The following TCF4 variants were observed in gnomAD, a reference collection of about 807,000 sequenced individuals.
TCF4 encodes SL3-3 enhancer factor 2.
TCF4 carries 3 observed loss-of-function variants against 82.1 expected under a neutral mutation model. The ratio of observed to expected loss-of-function variants is 0.04; its 90% CI spans 0.02 to 0.09. TCF4 has a LOEUF of 0.09. TCF4 is among the 10% of genes least tolerant of loss of function. TCF4 has a pLI of 1.00. For missense variants in TCF4, 518 were observed against 852.7 expected (o/e 0.61, Z 4.89); for synonymous variants, 276 against 309.6 (o/e 0.89, Z 1.14).
intron 5 of TCF4, among the ~76,000 whole-genome samples, chr18:55,407,560 T>C (rs142879570): frequency 6.7e-5 from 10 of 149,862 alleles, no homozygotes; most frequent in Non-Finnish European, 1.0e-4. Flanking sequence ...TTATTAAAAA[T>C]GGCACCAAAT....
Position 55,223,669 on chromosome 18 carries a change from G to A in TCF4, c.*4366C>T, listed in dbSNP as rs1220963438. ...CTCAGCCACACATTGAAAACAAGGT[G>A]TAACTGTTTATCTTTTTTTTTTTTT... On this transcript the variant is annotated 3_prime_UTR_variant, in exon 20 of 20. Coordinates refer to ENST00000354452, the MANE Select transcript of TCF4 (RefSeq NM_001083962.2). The A allele has an allele frequency of 6.8e-6, 1 of 146,406 alleles. No individual in the cohort carries two copies. Among genetic ancestry groups the A allele is most frequent in the Non-Finnish European group, 1.5e-5 (1 of 66,576 alleles). 9.1% of individuals were successfully genotyped at this position (146,406 alleles called of 1,614,324 possible).
At chr18:55,410,159 G>A (rs2094284925) in intron 5 of TCF4, among the ~76,000 whole-genome samples, 1 of 152,272 alleles carries the variant, frequency 6.6e-6, no homozygotes, top group African/African-American at 2.4e-5. Context: ...AAAATGGGCA[G>A]TAAACCATTT....
chr18:55,534,441 GGT>G (rs1249544875), intron 3 of TCF4, among the ~76,000 whole-genome samples: 7 of 152,224 alleles, frequency 4.6e-5, no homozygotes, highest in African/African-American at 1.7e-4. Flanking sequence ...AGTGAGGGAT[GGT>G]AGACTTGGGA....
chr18:55,266,704 T>G (rs978609247), intron 11 of TCF4: 1 of 152,006 alleles, frequency 6.6e-6, no homozygotes, highest in Admixed American at 6.6e-5. Flanking sequence ...GCTTTATCCT[T>G]CTTATGGATT....
intron 8 of TCF4, among the ~76,000 whole-genome samples, chr18:55,348,353 A>G (rs1271881976): frequency 6.6e-6 from 1 of 152,086 alleles, no homozygotes; most frequent in Admixed American, 6.6e-5. Context: ...TTTCAGAAAA[A>G]AGGCTATTCA....
rs886053955 is a variant in TCF4 at position 55,226,123 on chromosome 18, T to C, written c.*1912A>G. 3.3e-5 allele frequency: 5 copies of C among 152,600 alleles called. No individual in the cohort carries two copies. Among genetic ancestry groups the C allele is most frequent in the Non-Finnish European group, 7.4e-5 (5 of 68,012 alleles). 9.5% of individuals were successfully genotyped at this position (152,600 alleles called of 1,614,324 possible). ...TACATACACAATTTCAAAATAATGA[T>C]ACGTTTGCCATTTGTTGCATAAAAT... On this transcript the variant is annotated 3_prime_UTR_variant, in exon 20 of 20. Coordinates refer to ENST00000354452, the MANE Select transcript of TCF4 (RefSeq NM_001083962.2).
At chr18:55,517,008 A>G (rs1006991891) in intron 3 of TCF4, among the ~76,000 whole-genome samples, 3 of 152,216 alleles carry the variant, frequency 2.0e-5, no homozygotes, top group African/African-American at 4.8e-5. Flanking sequence ...TTAGCAGACT[A>G]TTACCAGAGT....
chr18:55,281,995 C>G (rs1352293585), intron 8 of TCF4, among the ~76,000 whole-genome samples: 1 of 151,918 alleles, frequency 6.6e-6, no homozygotes, highest in African/African-American at 2.4e-5. Flanking sequence ...ACATGAAACT[C>G]TTTGTTAATA....
intron 6 of TCF4, among the ~76,000 whole-genome samples, chr18:55,399,684 C>G (rs2093684721): frequency 6.6e-6 from 1 of 152,010 alleles, no homozygotes; most frequent in Admixed American, 6.6e-5. Context: ...GAACACAAGT[C>G]ATTAATACAG....
chr18:55,545,675 C>A (rs1231234097), intron 3 of TCF4, among the ~76,000 whole-genome samples: 1 of 152,156 alleles, frequency 6.6e-6, no homozygotes, highest in Non-Finnish European at 1.5e-5. Flanking sequence ...GTCTTGAACT[C>A]CTGACCTCAG....
intron 2 of TCF4, among the ~76,000 whole-genome samples, chr18:55,631,051 G>GT (rs35757922): frequency 0.52 from 73,476 of 142,226 alleles, 19,326 homozygotes; most frequent in African/African-American, 0.66. Context: ...AGAGCAATGG[G>GT]TTTTTTTTTT....
chr18:55,604,358 A>G (rs1213288569), intron 2 of TCF4, among the ~76,000 whole-genome samples: 1 of 152,024 alleles, frequency 6.6e-6, no homozygotes, highest in Non-Finnish European at 1.5e-5. Context: ...GGTTGGGGCA[A>G]GTTTCCTTCC....
chr18:55,605,820 C>T (rs1028920053), intron 2 of TCF4, among the ~76,000 whole-genome samples: 3 of 152,172 alleles, frequency 2.0e-5, no homozygotes, highest in South Asian at 2.1e-4. Context: ...ACCTAAGAAG[C>T]GGTGGAGCCA....
At chr18:55,453,677 G>A (rs910293314) in intron 5 of TCF4, among the ~76,000 whole-genome samples, 3 of 152,026 alleles carry the variant, frequency 2.0e-5, no homozygotes, top group Admixed American at 6.6e-5. Flanking sequence ...AGAGTAGGCC[G>A]GAAAGGAAAC....
At chr18:55,475,376 G>A (rs977458995) in intron 3 of TCF4, among the ~76,000 whole-genome samples, 1 of 152,076 alleles carries the variant, frequency 6.6e-6, no homozygotes, top group East Asian at 1.9e-4. Context: ...TCCTTCCCAG[G>A]ACATCACTTC....
upstream of TCF4, chr18:55,588,485 A>C (rs778924507): frequency 6.5e-7 from 1 of 1,534,976 alleles, no homozygotes; most frequent in South Asian, 1.2e-5. Flanking sequence ...TTTTCCTCAG[A>C]TCGTCAGTTA....
intron 1 of TCF4, among the ~76,000 whole-genome samples, chr18:55,635,196 T>A (rs2097735121): frequency 6.6e-6 from 1 of 152,114 alleles, no homozygotes; most frequent in African/African-American, 2.4e-5. Flanking sequence ...CAACGCCTTG[T>A]ACAGTCTCAG....
chr18:55,620,893 C>T (rs1219908391), intron 2 of TCF4, among the ~76,000 whole-genome samples: 2 of 151,076 alleles, frequency 1.3e-5, no homozygotes, highest in Non-Finnish European at 1.5e-5. Context: ...CTTCTTGCAA[C>T]AAACATTTAT....
intron 5 of TCF4, among the ~76,000 whole-genome samples, chr18:55,419,537 T>G (rs963870877): frequency 1.3e-5 from 2 of 152,186 alleles, no homozygotes; most frequent in Non-Finnish European, 2.9e-5. Flanking sequence ...AAACCTTTAT[T>G]ATCTTATAGG....
Sources: gnomAD v4.1 joint callset for allele counts (sites outside exome capture counted in the v4.1 genomes callset) on GRCh38, gnomAD v4.1.1 for gene constraint, MANE v1.5 for transcripts, NCBI Gene and HGNC (gene_info 2026-07-23, HGNC 2026-07-21) for gene names.